DNAH12: variants seen among roughly 807,000 people sequenced by gnomAD.
DNAH12 encodes axonemal beta dynein heavy chain 12.
A neutral mutation model predicts 371.5 loss-of-function variants in DNAH12; 285 were observed. That is an observed-to-expected ratio of 0.77 (90% CI 0.70 to 0.85). DNAH12 has a LOEUF of 0.85. Ranked by LOEUF, DNAH12 falls within the 40% of genes least tolerant of loss-of-function variation. DNAH12 has a pLI of 0.00. For missense variants in DNAH12, 3,611 were observed against 3,689.4 expected (o/e 0.98, Z 0.55); for synonymous variants, 1,200 against 1,213.0 (o/e 0.99, Z 0.22).
chr3:57,522,836 T>C (rs1469572177), intron 4 of DNAH12, among the ~76,000 whole-genome samples: 1 of 151,720 alleles, frequency 6.6e-6, no homozygotes, highest in African/African-American at 2.4e-5. Context: ...ATGCAGTCAG[T>C]GTCTTTTTTT....
upstream of DNAH12, among the ~76,000 whole-genome samples, chr3:57,547,811 G>A (rs1192140112): frequency 6.6e-6 from 1 of 152,084 alleles, no homozygotes; most frequent in Non-Finnish European, 1.5e-5. Context: ...TGTTCTACTT[G>A]ATAAATTAGC....
At chr3:57,330,136 A>G (rs2062058389) in intron 62 of DNAH12, among the ~76,000 whole-genome samples, 1 of 151,902 alleles carries the variant, frequency 6.6e-6, no homozygotes, top group Admixed American at 6.5e-5. Flanking sequence ...TAGTTCAACC[A>G]TTGTGGAAGT....
chr3:57,489,407 C>A, intron 12 of DNAH12, 102 bp downstream of exon 12: 3 of 1,208,634 alleles, frequency 2.5e-6, no homozygotes, highest in Non-Finnish European at 3.3e-6. Context: ...AAAAGTTGTA[C>A]GTACTTACAT....
intron 2 of DNAH12, among the ~76,000 whole-genome samples, chr3:57,541,025 G>A (rs1559766207): frequency 6.6e-6 from 1 of 151,686 alleles, no homozygotes; most frequent in Non-Finnish European, 1.5e-5. Flanking sequence ...AATGAAGGAG[G>A]AATGCATCTC....
At chr3:57,486,606 G>A (rs1049501254) in intron 12 of DNAH12, among the ~76,000 whole-genome samples, 2 of 152,110 alleles carry the variant, frequency 1.3e-5, no homozygotes, top group Non-Finnish European at 2.9e-5. Context: ...CCTACAATAT[G>A]CTAAGGAAAA....
At chr3:57,330,390 A>T (rs1488114386) in intron 62 of DNAH12, among the ~76,000 whole-genome samples, 1 of 152,124 alleles carries the variant, frequency 6.6e-6, no homozygotes, top group Non-Finnish European at 1.5e-5. Context: ...GCCATAAAAA[A>T]GGATGAGTTC....
At chr3:57,334,033 G>T (rs778605695) in intron 62 of DNAH12, among the ~76,000 whole-genome samples, 2 of 151,980 alleles carry the variant, frequency 1.3e-5, no homozygotes, top group Admixed American at 6.6e-5. Context: ...TTTTAGAGAT[G>T]AAATACACAA....
chr3:57,417,794 T>G (rs1041773189), intron 37 of DNAH12, among the ~76,000 whole-genome samples: 1 of 152,134 alleles, frequency 6.6e-6, no homozygotes, highest in Admixed American at 6.5e-5. Flanking sequence ...TAAAGAAACA[T>G]ATATATATTA....
At chr3:57,521,184 C>T (rs2068426193) in intron 4 of DNAH12, among the ~76,000 whole-genome samples, 1 of 149,584 alleles carries the variant, frequency 6.7e-6, no homozygotes, top group Non-Finnish European at 1.5e-5. Context: ...TTATGTTTAT[C>T]CTATGCCTTT....
intron 2 of DNAH12, among the ~76,000 whole-genome samples, chr3:57,533,372 T>C (rs2068915394): frequency 6.6e-6 from 1 of 152,126 alleles, no homozygotes; most frequent in Non-Finnish European, 1.5e-5. Flanking sequence ...AAATTTCCCT[T>C]TACTTTTTCC....
chr3:57,303,771 TTG>T (rs925747299), intron 69 of DNAH12, among the ~76,000 whole-genome samples: 2 of 152,114 alleles, frequency 1.3e-5, no homozygotes, highest in Admixed American at 6.6e-5. Context: ...CTCAATACCA[TTG>T]TGTGTTTTTA....
At position 57,405,704 on chromosome 3, in the gene DNAH12, A is replaced by G. The variant is rs1302415328; in HGVS notation, c.6525T>C (p.Phe2175=). 9.7e-6 allele frequency: 15 copies of G among 1,551,594 alleles called. No homozygotes were observed. In the East Asian group the frequency reaches 3.4e-4, roughly 35 times the overall value. The change falls in exon 41 of 74, where the codon TTT becomes TTC. Residue 2175 remains phenylalanine (F), a synonymous_variant. Transcript: ENST00000495027. ...QLTKTVIKDH[F]KESFHSIFSH... ...AAAAGATACTGTGAAATGATTCTTT[A>G]AAATGGTCCTTTATAACAGTTTTAG... is the stretch of plus-strand genomic sequence containing the variant.
chr3:57,551,628 T>C, the DNAH12 span, among the ~76,000 whole-genome samples: 1 of 152,198 alleles, frequency 6.6e-6, no homozygotes, highest in East Asian at 1.9e-4. Context: ...GAATTTTAAC[T>C]CTTAGTAACC....
chr3:57,501,035 C>T (rs1013606731), intron 11 of DNAH12, among the ~76,000 whole-genome samples: 7 of 152,220 alleles, frequency 4.6e-5, no homozygotes, highest in Admixed American at 2.0e-4. Context: ...CTTGCCTTGG[C>T]GTCTCAAAGT....
chr3:57,531,767 CAAAAAAAAAA>C (rs35142998), intron 2 of DNAH12, among the ~76,000 whole-genome samples: 1 of 50,274 alleles, frequency 2.0e-5, no homozygotes, highest in Non-Finnish European at 3.7e-5. Flanking sequence ...CACTCCATCT[CAAAAAAAAAA>C]AAAAAAAAAA....
chr3:57,467,910 A>C (rs1050701588), intron 17 of DNAH12, among the ~76,000 whole-genome samples: 1 of 152,130 alleles, frequency 6.6e-6, no homozygotes, highest in South Asian at 2.1e-4. Flanking sequence ...CCAAAACATC[A>C]AAGATGCAAA....
intron 17 of DNAH12, among the ~76,000 whole-genome samples, chr3:57,465,777 C>T (rs1273243434): frequency 6.6e-6 from 1 of 151,752 alleles, no homozygotes; most frequent in African/African-American, 2.4e-5. Flanking sequence ...AATAATTCAA[C>T]AGAAAAATAG....
Position 57,322,494 on chromosome 3 carries a change from AT to A in DNAH12, c.10384-12del, listed in dbSNP as rs1229701141. The A allele has an allele frequency of 6.5e-7, 1 of 1,550,076 alleles. No individual in the cohort carries two copies. The highest frequency in any genetic ancestry group is 8.7e-7 in the Non-Finnish European group (1 of 1,146,436). On this transcript the variant is annotated splice_polypyrimidine_tract_variant and intron_variant, in intron 64 of 73. Transcript: ENST00000495027. ...AATTGTTACTGGGAACTAAGACAAAATAAATGGAGAGCATTATACAAGATAG... is the reference window on the plus strand; with the variant it reads ...AATTGTTACTGGGAACTAAGACAAAAAAATGGAGAGCATTATACAAGATAG...
At chr3:57,505,129 C>A (rs887570644) in intron 8 of DNAH12, among the ~76,000 whole-genome samples, 2 of 151,958 alleles carry the variant, frequency 1.3e-5, no homozygotes, top group South Asian at 2.1e-4. Flanking sequence ...GCTCAAGTGA[C>A]CCGCCTGCTT....
Sources: allele counts gnomAD v4.1 joint callset (sites outside exome capture counted in the v4.1 genomes callset), GRCh38; gene constraint gnomAD v4.1.1; transcripts MANE v1.5; gene names NCBI Gene and HGNC (gene_info 2026-07-23, HGNC 2026-07-21).